The following ACTR2 variants were observed in gnomAD, a reference collection of about 807,000 sequenced individuals.
ACTR2 encodes the protein actin-related protein 2.
ACTR2 carries 5 observed loss-of-function variants against 50.2 expected under a neutral mutation model. That is an observed-to-expected ratio of 0.10 (90% CI 0.05 to 0.21). The LOEUF (loss-of-function observed/expected upper bound fraction) is 0.21. ACTR2 is among the 10% of genes least tolerant of loss of function. ACTR2 has a pLI of 1.00. For missense variants in ACTR2, 180 were observed against 480.6 expected (o/e 0.37, Z 5.85); for synonymous variants, 140 against 162.9 (o/e 0.86, Z 1.07).
intron 1 of ACTR2, among the ~76,000 whole-genome samples, chr2:65,236,184 C>G (rs1671734967): frequency 1.3e-5 from 2 of 151,930 alleles, no homozygotes; most frequent in Admixed American, 1.3e-4. Flanking sequence ...ACTAAAAATA[C>G]AAAAATTAGC....
rs148089606 is a variant in ACTR2 at position 65,251,689 on chromosome 2, T to C, written c.448+590T>C. Among the ~76,000 whole-genome samples the C allele has an allele frequency of 2.1e-3, 323 of 152,158 alleles. 1 individual carries two copies. The highest frequency in any genetic ancestry group is 3.4e-3 in the Middle Eastern group (1 of 294). ...CTATTTTAATTTTTTATGCATGGAA[T>C]TTGTCCCCAGAATTGGCTTGAGTTA... is the stretch of plus-strand genomic sequence containing the variant. On this transcript the variant is annotated intron_variant, in intron 4 of 8. Coordinates refer to ENST00000260641, the MANE Select transcript of ACTR2 (RefSeq NM_005722.4).
chr2:65,239,379 A>G (rs1401124107), intron 1 of ACTR2, among the ~76,000 whole-genome samples: 2 of 152,140 alleles, frequency 1.3e-5, no homozygotes, highest in Non-Finnish European at 2.9e-5. Flanking sequence ...ACTTGAACCC[A>G]GGAGGCGGAG....
chr2:65,244,961 AGT>A (rs1216930225), intron 2 of ACTR2, among the ~76,000 whole-genome samples: 16 of 149,618 alleles, frequency 1.1e-4, no homozygotes, highest in Non-Finnish European at 2.1e-4. Context: ...AAAAAAAAAG[AGT>A]GTAAACATTT....
intron 1 of ACTR2, among the ~76,000 whole-genome samples, chr2:65,238,655 T>TAAA (rs34932093): frequency 2.8e-5 from 3 of 107,864 alleles, no homozygotes; most frequent in African/African-American, 9.9e-5. Context: ...CGAGACTGTC[T>TAAA]AAAAAAAAAA....
chr2:65,261,781 G>A (rs1312832799), intron 7 of ACTR2, among the ~76,000 whole-genome samples: 1 of 152,178 alleles, frequency 6.6e-6, no homozygotes, highest in Admixed American at 6.5e-5. Context: ...TCATATGGTA[G>A]TTCTATTTTT....
intron 5 of ACTR2, 85 bp from the exon 6 acceptor site, chr2:65,255,460 G>A (rs1672133048): frequency 8.3e-7 from 1 of 1,208,974 alleles, no homozygotes; most frequent in African/African-American, 1.5e-5. Context: ...TTATTGATGT[G>A]ACATATTTAA....
intron 7 of ACTR2, among the ~76,000 whole-genome samples, chr2:65,264,112 A>T (rs1672329883): frequency 6.6e-6 from 1 of 152,184 alleles, no homozygotes; most frequent in Non-Finnish European, 1.5e-5. Context: ...GACGTACCTA[A>T]AGTGCGGAGT....
intron 1 of ACTR2, among the ~76,000 whole-genome samples, chr2:65,235,352 G>T (rs1328067989): frequency 6.6e-6 from 1 of 152,176 alleles, no homozygotes; most frequent in African/African-American, 2.4e-5. Flanking sequence ...CATTTTAAGG[G>T]TGGGAAGTGT....
chr2:65,241,933 C>A (rs1671846821), intron 2 of ACTR2: 1 of 1,381,810 alleles, frequency 7.2e-7, no homozygotes, highest in Non-Finnish European at 1.0e-6. Flanking sequence ...CTGACCTCAA[C>A]CTAATTGTCT....
intron 7 of ACTR2, among the ~76,000 whole-genome samples, chr2:65,262,514 GA>G (rs1477190232): frequency 6.6e-6 from 1 of 150,774 alleles, no homozygotes; most frequent in Non-Finnish European, 1.5e-5. Flanking sequence ...AGTGCTGAGA[GA>G]AACTTCTTAG....
chr2:65,254,358 T>G (rs1489209383), intron 5 of ACTR2, among the ~76,000 whole-genome samples: 3 of 152,230 alleles, frequency 2.0e-5, no homozygotes, highest in Non-Finnish European at 4.4e-5. Flanking sequence ...CGCCAGACTT[T>G]AATATTTAGT....
At chr2:65,235,847 A>C (rs1446708323) in intron 1 of ACTR2, among the ~76,000 whole-genome samples, 1 of 152,242 alleles carries the variant, frequency 6.6e-6, no homozygotes, top group African/African-American at 2.4e-5. Context: ...TGGTGGCTCA[A>C]TATAAACTAA....
At chr2:65,241,299 A>G (rs562832735) in intron 2 of ACTR2, among the ~76,000 whole-genome samples, 2 of 152,336 alleles carry the variant, frequency 1.3e-5, no homozygotes, top group Non-Finnish European at 2.9e-5. Context: ...ATACTGGACA[A>G]TAAAATTTTT....
intron 1 of ACTR2, among the ~76,000 whole-genome samples, chr2:65,239,230 G>A (rs745577672): frequency 1.9e-4 from 29 of 152,266 alleles, no homozygotes; most frequent in Admixed American, 1.3e-4. Context: ...TGAGGCAGGC[G>A]GATCACCTGA....
At chr2:65,240,642 C>T (rs1033659041) in intron 2 of ACTR2, among the ~76,000 whole-genome samples, 29 of 152,124 alleles carry the variant, frequency 1.9e-4, no homozygotes, top group African/African-American at 6.5e-4. Context: ...GTAGGAGTTA[C>T]AATATTTGAC....
At chr2:65,252,232 T>A (rs1307114354) in intron 4 of ACTR2, among the ~76,000 whole-genome samples, 1 of 152,132 alleles carries the variant, frequency 6.6e-6, no homozygotes, top group Non-Finnish European at 1.5e-5. Flanking sequence ...TTCCTCCTTT[T>A]TTTTTTCTTT....
At position 65,227,965 on chromosome 2, in the gene ACTR2, C is replaced by A; in HGVS notation, c.48+8C>A. ...TGCGACAACGGCACCGGGGTAAGGG[C>A]CGCGCGAGGAGGCCTTGGCGGCCAC... On this transcript the variant is annotated splice_region_variant and intron_variant, in intron 1 of 8. Transcript: ENST00000260641. 1 of 1,505,180 alleles carries A rather than the reference C, an allele frequency of 6.6e-7. No homozygotes were observed. Among genetic ancestry groups the A allele is most frequent in the East Asian group, 2.9e-5 (1 of 34,616 alleles). 93.2% of individuals were successfully genotyped at this position (1,505,180 alleles called of 1,614,324 possible).
chr2:65,241,917 C>G, intron 2 of ACTR2: 1 of 1,107,834 alleles, frequency 9.0e-7, no homozygotes, highest in Non-Finnish European at 1.3e-6. Context: ...TATAGTAGTA[C>G]TGCATCTGAC....
chr2:65,246,985 T>G (rs1199857959), intron 3 of ACTR2, among the ~76,000 whole-genome samples: 1 of 152,000 alleles, frequency 6.6e-6, no homozygotes, highest in Non-Finnish European at 1.5e-5. Flanking sequence ...AAAATTAAGT[T>G]TTTAATTTAG....
Sources: allele counts gnomAD v4.1 joint callset (sites outside exome capture counted in the v4.1 genomes callset), GRCh38; gene constraint gnomAD v4.1.1; transcripts MANE v1.5; gene names NCBI Gene and HGNC (gene_info 2026-07-23, HGNC 2026-07-21).